The following ZP2 variants were observed in gnomAD, a reference collection of about 807,000 sequenced individuals.
ZP2 encodes the protein zona pellucida glycoprotein 2.
ZP2 carries 51 observed loss-of-function variants against 84.0 expected under a neutral mutation model. That is an observed-to-expected ratio of 0.61 (90% CI 0.49 to 0.77). ZP2 has a LOEUF of 0.77. Ranked by LOEUF, ZP2 falls within the 30% of genes least tolerant of loss-of-function variation. The probability of loss-of-function intolerance (pLI) is 0.00; values close to 1 mark genes in which losing one functional copy is unlikely to be tolerated. For missense variants in ZP2, 909 were observed against 911.9 expected (o/e 1.00, Z 0.04); for synonymous variants, 375 against 330.9 (o/e 1.13, Z -1.45).
chr16:21,211,447 G>C (rs902433177), intron 1 of ZP2, 39 bp downstream of exon 1: 1 of 1,613,998 alleles, frequency 6.2e-7, no homozygotes, highest in Non-Finnish European at 8.5e-7. Context: ...AACAAACAAA[G>C]CTACCATACC....
At chr16:21,212,160 T>TC (rs1356853409), upstream of ZP2, among the ~76,000 whole-genome samples, 5 of 151,910 alleles carry the variant, frequency 3.3e-5, no homozygotes, top group Admixed American at 3.3e-4. Context: ...ACTCCTGACC[T>TC]AGGTGATCCA....
At chr16:21,203,088 A>G (rs1334570450) in intron 10 of ZP2, 37 bp downstream of exon 10, 3 of 1,603,398 alleles carry the variant, frequency 1.9e-6, no homozygotes, top group Non-Finnish European at 2.6e-6. Context: ...CCAAGGGAGA[A>G]AAAAGGTAGA....
Position 21,202,250 on chromosome 16 carries a change from C to T in ZP2, c.1141G>A (p.Glu381Lys), listed in dbSNP as rs745840756. 1.0e-5 allele frequency: 16 copies of T among 1,555,230 alleles called. No individual in the cohort carries two copies. Among genetic ancestry groups the T allele is most frequent in the Middle Eastern group, 1.7e-4 (1 of 5,820 alleles). ...LCTQDGFMDV[E>K]VYSYQTQPAL... ...GGTTGTGTTTGGTAGCTGTAGACCT[C>T]GACGTCCATAAACCCATCCTGGGTG... Residue 381 changes from glutamate to lysine, a missense_variant, in exon 11 of 19, where the codon GAG becomes AAG. Coordinates refer to ENST00000574091, the MANE Select transcript of ZP2 (RefSeq NM_001376232.1).
In ZP2 at chr16:21,211,355, A is replaced by C. The variant is rs1409908660; in HGVS notation, c.103T>G (p.Ser35Ala). ...SISLFFALVT[S>A]GNSIDVSQLV... ...TGAGAAACATCTATGGAGTTCCCTG[A>C]AGTCACAAGGGCGAAGAAGAGAGAA... Residue 35 changes from serine (S) to alanine (A), a missense_variant, in exon 2 of 19, where the codon TCA becomes GCA. Transcript: ENST00000574091. 6.2e-7 allele frequency: 1 copy of C among 1,614,158 alleles called. No individual in the cohort carries two copies. Among genetic ancestry groups the C allele is most frequent in the South Asian group, 1.1e-5 (1 of 91,078 alleles).
intron 10 of ZP2, among the ~76,000 whole-genome samples, chr16:21,202,815 G>A (rs966539618): frequency 3.3e-5 from 5 of 150,964 alleles, no homozygotes; most frequent in Non-Finnish European, 7.4e-5. Context: ...GGGGTGGGGG[G>A]GTACTTAAAC....
intron 17 of ZP2, among the ~76,000 whole-genome samples, chr16:21,198,221 C>A (rs530424725): frequency 6.6e-6 from 1 of 151,560 alleles, no homozygotes; most frequent in South Asian, 2.1e-4. Flanking sequence ...ATGGTAAAAC[C>A]TTTTCTCTAC....
intron 2 of ZP2, 70 bp downstream of exon 2, chr16:21,211,237 G>A: frequency 7.3e-7 from 1 of 1,374,630 alleles, no homozygotes; most frequent in Admixed American, 1.7e-5. Flanking sequence ...TGTGTTTCTT[G>A]GCCAGCTAGG....
At chr16:21,197,655 AT>A in intron 18 of ZP2, 33 bp from the exon 19 acceptor site, 1 of 1,613,752 alleles carries the variant, frequency 6.2e-7, no homozygotes, top group Non-Finnish European at 8.5e-7. Flanking sequence ...AGTCTTAAGT[AT>A]TTTTAAATAA....
intron 18 of ZP2, 59 bp from the exon 19 acceptor site, chr16:21,197,681 C>T (rs769652521): frequency 1.4e-5 from 22 of 1,612,934 alleles, no homozygotes; most frequent in Non-Finnish European, 1.7e-5. Flanking sequence ...AAGTGGAAGC[C>T]TTACATAAGG....
At position 21,206,489 on chromosome 16, in the gene ZP2, T is replaced by C. The variant is rs1052419285; in HGVS notation, c.483+349A>G. Among the ~76,000 whole-genome samples, 3 of 152,212 alleles carry C rather than the reference T, an allele frequency of 2.0e-5. No homozygotes were observed. The South Asian group carries it at 6.2e-4, about 32-fold the overall frequency. ...GTGACTGGGTCGTTTTGTTCACTTA[T>C]TGTATCTTAGCATCTAGGGTAGGGC... is the stretch of plus-strand genomic sequence containing the variant. On this transcript the variant is annotated intron_variant, in intron 5 of 18. Coordinates refer to ENST00000574091, the MANE Select transcript of ZP2 (RefSeq NM_001376232.1).
upstream of ZP2, chr16:21,211,724 C>T (rs113265999): frequency 7.8e-4 from 1,166 of 1,503,492 alleles, 3 homozygotes; most frequent in African/African-American, 0.011. Flanking sequence ...TGACAGCTTG[C>T]GCCGGGTATT....
At chr16:21,198,206 C>T (rs932766584) in intron 17 of ZP2, among the ~76,000 whole-genome samples, 2 of 150,452 alleles carry the variant, frequency 1.3e-5, no homozygotes, top group Admixed American at 1.3e-4. Context: ...ACCAGCCTGG[C>T]CAACATGGTA....
chr16:21,206,145 G>T (rs916255061), intron 5 of ZP2, among the ~76,000 whole-genome samples: 2 of 152,156 alleles, frequency 1.3e-5, no homozygotes, highest in Non-Finnish European at 2.9e-5. Flanking sequence ...TTACAGGAAT[G>T]TACTACCATA....
In ZP2 at chr16:21,201,515, T is replaced by C. The variant is rs1185260449; in HGVS notation, c.1548A>G (p.Leu516=). Residue 516 remains leucine (L), a synonymous_variant, in exon 14 of 19, where the codon CTA becomes CTG. Transcript: ENST00000574091. The part of the protein sequence containing the change: ...QQPYGENEYP[L]VRFLRQPIYM... ...AAATTGGTTGGCGGAGGAATCTCACTAGAGGGTACTCGTTTTCCCCATAAG... is the reference window on the plus strand; with the variant it reads ...AAATTGGTTGGCGGAGGAATCTCACCAGAGGGTACTCGTTTTCCCCATAAG... The C allele has an allele frequency of 4.3e-6, 7 of 1,612,968 alleles. No individual in the cohort carries two copies. Among genetic ancestry groups the C allele is most frequent in the Middle Eastern group, 3.3e-4 (2 of 6,054 alleles).
chr16:21,201,375 A>G lies in ZP2; in HGVS notation c.1688T>C (p.Val563Ala), dbSNP rs779680937. ...TAGTACAGGGAGTACCTACCCATCC[A>G]CGACAACGTTCCACTGGGGGAAAGA... is the stretch of plus-strand genomic sequence containing the variant. ...PDSFPQWNVV[V>A]DGCAYDLDNY... Residue 563 changes from valine to alanine, a missense_variant, in exon 14 of 19, where the codon GTG (valine) becomes GCG (alanine). Transcript: ENST00000574091. 2 of 1,572,328 alleles carry G rather than the reference A, an allele frequency of 1.3e-6. No individual in the cohort carries two copies. Among genetic ancestry groups the G allele is most frequent in the African/African-American group, 2.7e-5 (2 of 74,018 alleles).
At chr16:21,204,918 C>T (rs776809544) in intron 7 of ZP2, among the ~76,000 whole-genome samples, 2 of 152,148 alleles carry the variant, frequency 1.3e-5, no homozygotes, top group Non-Finnish European at 2.9e-5. Flanking sequence ...ATAAAGCTTT[C>T]AGGAATATGC....
intron 4 of ZP2, among the ~76,000 whole-genome samples, chr16:21,208,385 G>A (rs1326990396): frequency 6.6e-6 from 1 of 152,122 alleles, no homozygotes; most frequent in Non-Finnish European, 1.5e-5. Flanking sequence ...GATCACAGAG[G>A]GCTTTAGGGG....
At chr16:21,212,068 C>T (rs1380254728), upstream of ZP2, among the ~76,000 whole-genome samples, 3 of 152,058 alleles carry the variant, frequency 2.0e-5, no homozygotes, top group African/African-American at 4.8e-5. Flanking sequence ...GCTGGGATTA[C>T]AGGTGCACGC....
intron 14 of ZP2, among the ~76,000 whole-genome samples, chr16:21,200,254 A>G (rs544394327): frequency 6.6e-6 from 1 of 152,168 alleles, no homozygotes. Context: ...CCTGGCCAAC[A>G]TGGTGAAACC....
Sources: gnomAD v4.1 joint callset for allele counts (sites outside exome capture counted in the v4.1 genomes callset) on GRCh38, gnomAD v4.1.1 for gene constraint, MANE v1.5 for transcripts, NCBI Gene and HGNC (gene_info 2026-07-23, HGNC 2026-07-21) for gene names.